The following POT1 variants were observed in gnomAD, a reference collection of about 807,000 sequenced individuals.
POT1 encodes the protein protection of telomeres 1, also known as protection of telomeres protein 1.
A neutral mutation model predicts 78.5 loss-of-function variants in POT1; 47 were observed. The ratio of observed to expected loss-of-function variants is 0.60; its 90% confidence interval spans 0.47 to 0.76. POT1 has a LOEUF of 0.76. POT1 is among the 30% of genes least tolerant of loss of function. The pLI, the probability that POT1 is intolerant of heterozygous loss-of-function variation, is 0.00. For synonymous variants in POT1, 259 were observed against 260.7 expected, an observed-to-expected ratio of 0.99 and a Z score of 0.06; for missense variants, 646 against 749.9, an observed-to-expected ratio of 0.86 and a Z score of 1.62.
chr7:124,925,908 C>G (rs1182433037), intron 2 of POT1, among the ~76,000 whole-genome samples: 5 of 151,940 alleles, frequency 3.3e-5, no homozygotes, highest in Non-Finnish European at 7.4e-5. Flanking sequence ...TTGCCACATG[C>G]AGAAGAGTGA....
At chr7:124,875,893 CATG>C (rs887207657) in intron 6 of POT1, among the ~76,000 whole-genome samples, 3 of 152,064 alleles carry the variant, frequency 2.0e-5, no homozygotes, top group Admixed American at 6.5e-5. Flanking sequence ...TTTCATCTTA[CATG>C]ATATTTACAT....
intron 14 of POT1, among the ~76,000 whole-genome samples, chr7:124,838,484 T>A (rs1387240953): frequency 6.6e-6 from 1 of 152,146 alleles, no homozygotes; most frequent in East Asian, 1.9e-4. Flanking sequence ...TTTATCTGAG[T>A]AAAACTATAA....
At chr7:124,868,088 T>A (rs1183897548) in intron 7 of POT1, among the ~76,000 whole-genome samples, 8 of 152,150 alleles carry the variant, frequency 5.3e-5, no homozygotes, top group Non-Finnish European at 1.2e-4. Context: ...AGATCTTGAC[T>A]CTTGTTTTAA....
chr7:124,827,359 A>G, intron 16 of POT1, 54 bp from the exon 17 acceptor site: 2 of 1,040,850 alleles, frequency 1.9e-6, no homozygotes, highest in South Asian at 1.7e-5. Flanking sequence ...CTTATTATCA[A>G]GGTAAAGTTA....
intron 9 of POT1, among the ~76,000 whole-genome samples, chr7:124,854,302 T>C (rs1365133510): frequency 6.6e-6 from 1 of 151,964 alleles, no homozygotes; most frequent in Non-Finnish European, 1.5e-5. Flanking sequence ...AATAATTTTG[T>C]GCATGACACA....
chr7:124,881,476 A>G (rs1796117404), intron 6 of POT1, among the ~76,000 whole-genome samples: 1 of 152,032 alleles, frequency 6.6e-6, no homozygotes, highest in Non-Finnish European at 1.5e-5. Flanking sequence ...TCAATAATCT[A>G]TCAAGAACAA....
intron 8 of POT1, among the ~76,000 whole-genome samples, chr7:124,859,690 C>T (rs1795537325): frequency 6.6e-6 from 1 of 150,724 alleles, no homozygotes; most frequent in Admixed American, 6.6e-5. Flanking sequence ...TACCCACCAG[C>T]TCTGGCTATA....
At chr7:124,884,179 T>C (rs1428207300) in intron 6 of POT1, among the ~76,000 whole-genome samples, 1 of 152,048 alleles carries the variant, frequency 6.6e-6, no homozygotes, top group Non-Finnish European at 1.5e-5. Flanking sequence ...AAATAATCAA[T>C]ATTACATAAC....
chr7:124,847,252 C>CA (rs1562984529), intron 11 of POT1, among the ~76,000 whole-genome samples: 14 of 152,116 alleles, frequency 9.2e-5, no homozygotes, highest in Non-Finnish European at 1.8e-4. Flanking sequence ...CCCAACACTT[C>CA]GGAGGACTGA....
At chr7:124,844,219 C>T (rs1444683047) in intron 12 of POT1, among the ~76,000 whole-genome samples, 2 of 150,388 alleles carry the variant, frequency 1.3e-5, no homozygotes, top group East Asian at 4.0e-4. Flanking sequence ...ACCTCTACCT[C>T]CCAGGTTCAA....
chr7:124,903,659 A>G (rs939308957), intron 3 of POT1, among the ~76,000 whole-genome samples: 1 of 152,216 alleles, frequency 6.6e-6, no homozygotes, highest in Non-Finnish European at 1.5e-5. Flanking sequence ...GCAGAAGGCA[A>G]GAAAAAACTA....
chr7:124,855,051 C>A (rs530599477), intron 9 of POT1, among the ~76,000 whole-genome samples: 1 of 151,444 alleles, frequency 6.6e-6, no homozygotes, highest in African/African-American at 2.4e-5. Context: ...CAGAAGCTTT[C>A]ATGGAATCTG....
rs910989901 is a variant in POT1 at position 124,898,362 on chromosome 7, C to A, written c.-141G>T. 1 of 151,488 alleles carries A rather than the reference C, an allele frequency of 6.6e-6. No individual in the cohort carries two copies. Among genetic ancestry groups the A allele is most frequent in the Admixed American group, 6.6e-5 (1 of 15,168 alleles). The allele number at this position is 151,488 out of a possible 1,614,324, so 9.4% of individuals were successfully genotyped here. On this transcript the variant is annotated 5_prime_UTR_variant, in exon 4 of 19. Coordinates refer to ENST00000357628, the MANE Select transcript of POT1 (RefSeq NM_015450.3). ...GCTAAAAAAACAATAAATCTAGCCACTGCAATGGTGTCCTACATAGAAAAA... is the reference window on the plus strand; with the variant it reads ...GCTAAAAAAACAATAAATCTAGCCAATGCAATGGTGTCCTACATAGAAAAA...
chr7:124,878,079 C>T (rs1796032995), intron 6 of POT1, among the ~76,000 whole-genome samples: 7 of 151,894 alleles, frequency 4.6e-5, no homozygotes, highest in Admixed American at 4.6e-4. Context: ...GCCTGTAATC[C>T]CAGCATTTTA....
At position 124,875,705 on chromosome 7, in the gene POT1, G is replaced by C. The variant is rs182147715; in HGVS notation, c.125-4664C>G. The stretch of plus-strand genomic sequence containing the variant: ...ATAAAGTTTCTCAAGCTCAAAAATT[G>C]ATGCATGAAAATATGTTTCTAAAAA... On this transcript the variant is annotated intron_variant, in intron 6 of 18. Coordinates refer to ENST00000357628, the MANE Select transcript of POT1 (RefSeq NM_015450.3). Among the ~76,000 whole-genome samples, 305 of 152,208 alleles carry C rather than the reference G, an allele frequency of 2.0e-3. 2 individuals carry two copies. Among genetic ancestry groups the C allele is most frequent in the Admixed American group, 6.5e-3 (99 of 15,296 alleles).
intron 12 of POT1, among the ~76,000 whole-genome samples, chr7:124,846,039 G>A (rs1167713270): frequency 6.6e-6 from 1 of 152,044 alleles, no homozygotes; most frequent in African/African-American, 2.4e-5. Flanking sequence ...TTCCTTTAGA[G>A]AGAAATATTA....
intron 6 of POT1, among the ~76,000 whole-genome samples, chr7:124,882,239 A>G (rs1320899205): frequency 6.6e-6 from 1 of 152,060 alleles, no homozygotes; most frequent in South Asian, 2.1e-4. Context: ...CTACTAAAAC[A>G]CTGCTGTTTT....
chr7:124,853,155 T>G lies in POT1; in HGVS notation c.703-17A>C. 1 of 1,530,750 alleles carries G rather than the reference T, an allele frequency of 6.5e-7. No individual in the cohort carries two copies. 94.8% of individuals were successfully genotyped at this position (1,530,750 alleles called of 1,614,324 possible). Reference sequence around the variant, plus strand: ...GCTTCCAACCTAAAAAATAGATCATTTGTTATTTAGAAAGTGGGGAAAAAT... The same window carrying G: ...GCTTCCAACCTAAAAAATAGATCATGTGTTATTTAGAAAGTGGGGAAAAAT... On this transcript the variant is annotated splice_polypyrimidine_tract_variant and intron_variant, in intron 9 of 18. Transcript: ENST00000357628.
At chr7:124,868,089 CTTGTT>C (rs1249649842) in intron 7 of POT1, among the ~76,000 whole-genome samples, 1 of 151,968 alleles carries the variant, frequency 6.6e-6, no homozygotes, top group Non-Finnish European at 1.5e-5. Context: ...GATCTTGACT[CTTGTT>C]TTAATGTATA....
Sources: allele counts gnomAD v4.1 joint callset (sites outside exome capture counted in the v4.1 genomes callset), GRCh38; gene constraint gnomAD v4.1.1; transcripts MANE v1.5; gene names NCBI Gene and HGNC (gene_info 2026-07-23, HGNC 2026-07-21).